Variants in NCALD observed in about 807,000 individuals in gnomAD.
NCALD encodes neurocalcin-delta.
Under a neutral mutation model 18.6 loss-of-function variants are expected in NCALD, and 10 were observed. That is an observed-to-expected ratio of 0.54 (90% CI 0.33 to 0.91). The LOEUF (loss-of-function observed/expected upper bound fraction) is 0.91, where lower values mean the gene tolerates loss of function less well. Ranked by LOEUF, NCALD falls within the 40% of genes least tolerant of loss-of-function variation. The pLI, the probability that NCALD is intolerant of heterozygous loss-of-function variation, is 0.03. For synonymous variants in NCALD, 88 were observed against 87.4 expected, an observed-to-expected ratio of 1.01 and a Z score of -0.04; for missense variants, 184 against 247.6, an observed-to-expected ratio of 0.74 and a Z score of 1.72.
chr8:101,797,275 C>T (rs895099021), intron 4 of NCALD, among the ~76,000 whole-genome samples: 13 of 152,052 alleles, frequency 8.5e-5, no homozygotes, highest in African/African-American at 3.1e-4. Context: ...CTATATACCG[C>T]CAAAAGGATA....
intron 1 of NCALD, among the ~76,000 whole-genome samples, chr8:102,048,685 G>A (rs531385870): frequency 3.3e-5 from 5 of 152,250 alleles, no homozygotes; most frequent in African/African-American, 7.2e-5. Flanking sequence ...TAAATGTTTC[G>A]AATTTGTTTG....
At chr8:101,728,289 C>T (rs1294259899) in intron 1 of NCALD, among the ~76,000 whole-genome samples, 3 of 151,370 alleles carry the variant, frequency 2.0e-5, no homozygotes, top group African/African-American at 7.3e-5. Context: ...TCTGCGATTC[C>T]TCATAAGGTT....
chr8:101,866,380 G>A (rs747138831), intron 4 of NCALD, among the ~76,000 whole-genome samples: 10 of 152,084 alleles, frequency 6.6e-5, no homozygotes, highest in Admixed American at 3.9e-4. Flanking sequence ...TATCCAGTCC[G>A]ATGGCTTTAG....
chr8:101,911,308 G>T (rs1429918558), intron 3 of NCALD, among the ~76,000 whole-genome samples: 1 of 149,160 alleles, frequency 6.7e-6, no homozygotes, highest in Admixed American at 6.7e-5. Flanking sequence ...AAGGAGAAGG[G>T]GGCCACAGGA....
intron 1 of NCALD, among the ~76,000 whole-genome samples, chr8:101,727,972 C>G (rs1198316360): frequency 6.6e-6 from 1 of 152,174 alleles, no homozygotes; most frequent in Admixed American, 6.5e-5. Context: ...TGTGAAATCT[C>G]TCAACTTATT....
chr8:102,101,797 A>C (rs998839668), intron 1 of NCALD, among the ~76,000 whole-genome samples: 6 of 152,204 alleles, frequency 3.9e-5, no homozygotes, highest in African/African-American at 1.4e-4. Flanking sequence ...CATTTATCCA[A>C]ATTACATGAA....
At chr8:101,690,231 C>T (rs930152642) in intron 3 of NCALD, 3 of 985,216 alleles carry the variant, frequency 3.0e-6, no homozygotes, top group Admixed American at 6.1e-5. Context: ...TGGGGGACTG[C>T]AAGGCTTTTC....
intron 1 of NCALD, among the ~76,000 whole-genome samples, chr8:101,784,287 G>A (rs1354800842): frequency 6.6e-6 from 1 of 152,110 alleles, no homozygotes; most frequent in African/African-American, 2.4e-5. Flanking sequence ...TATGTGGTCT[G>A]GGTTTCCTAC....
chr8:101,872,055 C>T (rs938564787), intron 4 of NCALD: 1 of 1,382,660 alleles, frequency 7.2e-7, no homozygotes, highest in African/African-American at 1.4e-5. Context: ...AAACAAATAC[C>T]ATGGGCAGAT....
chr8:101,977,255 T>C (rs535170943), intron 2 of NCALD, among the ~76,000 whole-genome samples: 140 of 151,948 alleles, frequency 9.2e-4, no homozygotes, highest in South Asian at 2.7e-3. Context: ...AAGAAAAATA[T>C]TGTGGTTATT....
At chr8:102,073,712 C>T (rs1047832290) in intron 1 of NCALD, among the ~76,000 whole-genome samples, 3 of 152,210 alleles carry the variant, frequency 2.0e-5, no homozygotes, top group African/African-American at 4.8e-5. Context: ...CATAAAGCTT[C>T]AGGAGCTTAA....
At chr8:101,749,539 A>G (rs1008469492) in intron 1 of NCALD, among the ~76,000 whole-genome samples, 12 of 152,200 alleles carry the variant, frequency 7.9e-5, no homozygotes, top group Admixed American at 3.3e-4. Context: ...GGCTAGCTAT[A>G]TATACTCTTG....
chr8:101,875,438 T>A (rs1816190106), intron 4 of NCALD, among the ~76,000 whole-genome samples: 1 of 152,188 alleles, frequency 6.6e-6, no homozygotes, highest in African/African-American at 2.4e-5. Flanking sequence ...CTTTCATCAC[T>A]TCATTGTCCT....
At chr8:101,871,034 C>G (rs991179085) in intron 4 of NCALD, among the ~76,000 whole-genome samples, 2 of 152,128 alleles carry the variant, frequency 1.3e-5, no homozygotes, top group African/African-American at 4.8e-5. Flanking sequence ...TTATAAATAT[C>G]CTAGTTGAGG....
intron 1 of NCALD, among the ~76,000 whole-genome samples, chr8:102,068,158 G>A (rs1824068162): frequency 6.6e-6 from 1 of 152,194 alleles, no homozygotes; most frequent in Admixed American, 6.5e-5. Context: ...GTACACCACA[G>A]TAGAAGCATA....
At chr8:101,716,039 T>A (rs1192228926) in intron 2 of NCALD, among the ~76,000 whole-genome samples, 3 of 152,174 alleles carry the variant, frequency 2.0e-5, no homozygotes, top group African/African-American at 7.2e-5. Context: ...TGCAGCAATA[T>A]TCACAATAGC....
intron 1 of NCALD, among the ~76,000 whole-genome samples, chr8:102,086,768 T>TACTAG (rs1824750846): frequency 6.6e-6 from 1 of 152,230 alleles, no homozygotes; most frequent in East Asian, 1.9e-4. Flanking sequence ...ATTCCCAGAC[T>TACTAG]GTTAAAGCAT....
At chr8:101,717,378 C>G (rs890630362) in intron 2 of NCALD, among the ~76,000 whole-genome samples, 1 of 152,166 alleles carries the variant, frequency 6.6e-6, no homozygotes, top group African/African-American at 2.4e-5. Flanking sequence ...CAGTCTTCAC[C>G]CTGACCAGTT....
chr8:101,781,720 A>G (rs931040172), intron 1 of NCALD, among the ~76,000 whole-genome samples: 4 of 152,196 alleles, frequency 2.6e-5, no homozygotes, highest in African/African-American at 9.6e-5. Flanking sequence ...TATCATCAAT[A>G]TCAACGCATT....
Sources: gnomAD v4.1 joint callset for allele counts (sites outside exome capture counted in the v4.1 genomes callset) on GRCh38, gnomAD v4.1.1 for gene constraint, MANE v1.5 for transcripts, NCBI Gene and HGNC (gene_info 2026-07-23, HGNC 2026-07-21) for gene names.